The following PAPSS1 variants were observed in gnomAD, a reference collection of about 807,000 sequenced individuals.
The protein encoded by PAPSS1 is 3'-phosphoadenosine 5'-phosphosulfate synthase 1.
In PAPSS1, 50 loss-of-function variants were observed where a neutral mutation model predicts 72.0. The ratio of observed to expected loss-of-function variants is 0.69; its 90% CI spans 0.55 to 0.88. The LOEUF is 0.88. Ranked by LOEUF, PAPSS1 falls within the 40% of genes least tolerant of loss-of-function variation. The pLI, the probability that PAPSS1 is intolerant of heterozygous loss-of-function variation, is 0.00. For missense variants in PAPSS1, 657 were observed against 782.2 expected (o/e 0.84, Z 1.91); for synonymous variants, 261 against 263.6 (o/e 0.99, Z 0.09).
chr4:107,622,396 A>G (rs1725988281), intron 11 of PAPSS1, among the ~76,000 whole-genome samples: 1 of 152,222 alleles, frequency 6.6e-6, no homozygotes, highest in Non-Finnish European at 1.5e-5. Context: ...TACCAAAAAT[A>G]CCATAATAAC....
At chr4:107,703,414 CA>C (rs35894658) in intron 1 of PAPSS1, among the ~76,000 whole-genome samples, 41 of 144,576 alleles carry the variant, frequency 2.8e-4, no homozygotes, top group Middle Eastern at 3.5e-3. Flanking sequence ...GAGTCATATC[CA>C]AAAAAAAAAA....
intron 9 of PAPSS1, among the ~76,000 whole-genome samples, chr4:107,647,315 T>C (rs1232564209): frequency 6.6e-6 from 1 of 152,068 alleles, no homozygotes; most frequent in Non-Finnish European, 1.5e-5. Context: ...GAGGACAGAG[T>C]GAGGGAAGGA....
intron 1 of PAPSS1, among the ~76,000 whole-genome samples, chr4:107,708,369 T>A (rs1186905648): frequency 6.6e-6 from 1 of 152,176 alleles, no homozygotes; most frequent in Non-Finnish European, 1.5e-5. Context: ...AAAAGGGAGC[T>A]AAAGTCTCTG....
At chr4:107,666,606 A>G (rs894883962) in intron 5 of PAPSS1, among the ~76,000 whole-genome samples, 1 of 152,192 alleles carries the variant, frequency 6.6e-6, no homozygotes, top group African/African-American at 2.4e-5. Flanking sequence ...CCATCATCCT[A>G]TATTACCCGT....
chr4:107,652,734 T>C (rs1285206699), intron 9 of PAPSS1, among the ~76,000 whole-genome samples: 8 of 152,192 alleles, frequency 5.3e-5, no homozygotes, highest in Non-Finnish European at 8.8e-5. Flanking sequence ...CAGTATATAT[T>C]TGGTGATGTT....
intron 11 of PAPSS1, among the ~76,000 whole-genome samples, chr4:107,628,837 C>T (rs1315457226): frequency 1.3e-5 from 2 of 152,132 alleles, no homozygotes; most frequent in African/African-American, 2.4e-5. Context: ...GGAAACAGGG[C>T]AGAGAAGACA....
At chr4:107,635,246 G>GA (rs1560567312) in intron 10 of PAPSS1, among the ~76,000 whole-genome samples, 3 of 151,846 alleles carry the variant, frequency 2.0e-5, no homozygotes. Flanking sequence ...CCTACTGTTT[G>GA]AAAAAGACAA....
At chr4:107,685,062 T>C (rs1286190247) in intron 4 of PAPSS1, among the ~76,000 whole-genome samples, 2 of 152,178 alleles carry the variant, frequency 1.3e-5, no homozygotes, top group Non-Finnish European at 1.5e-5. Flanking sequence ...CCCGCCACCA[T>C]GCTGACTAAT....
At chr4:107,672,064 A>G (rs1040877682) in intron 5 of PAPSS1, among the ~76,000 whole-genome samples, 1 of 152,216 alleles carries the variant, frequency 6.6e-6, no homozygotes, top group African/African-American at 2.4e-5. Flanking sequence ...TATAGTTCCA[A>G]TAAAAATGAG....
chr4:107,662,467 A>C (rs1022265178), intron 5 of PAPSS1, among the ~76,000 whole-genome samples: 1 of 152,236 alleles, frequency 6.6e-6, no homozygotes, highest in African/African-American at 2.4e-5. Context: ...CTGTAGATGC[A>C]CTAATGGGGC....
At chr4:107,642,256 A>T (rs1271428723) in intron 10 of PAPSS1, among the ~76,000 whole-genome samples, 1 of 152,146 alleles carries the variant, frequency 6.6e-6, no homozygotes, top group Non-Finnish European at 1.5e-5. Context: ...ACATATTTTT[A>T]AAAATATTTT....
intron 1 of PAPSS1, among the ~76,000 whole-genome samples, chr4:107,702,832 C>A (rs1473658521): frequency 6.6e-6 from 1 of 152,146 alleles, no homozygotes; most frequent in Non-Finnish European, 1.5e-5. Context: ...ATGCCAATAT[C>A]TACTCTACAT....
intron 6 of PAPSS1, 43 bp from the exon 7 acceptor site, chr4:107,657,050 T>C: frequency 1.6e-6 from 2 of 1,233,692 alleles, no homozygotes; most frequent in African/African-American, 1.5e-5. Context: ...ATTGCATGTA[T>C]ATATGAGCAA....
chr4:107,648,222 A>G (rs1245945477), intron 9 of PAPSS1, among the ~76,000 whole-genome samples: 2 of 152,198 alleles, frequency 1.3e-5, no homozygotes, highest in African/African-American at 2.4e-5. Flanking sequence ...AAGTTAAGAA[A>G]GTTTTTCTGA....
chr4:107,652,701 G>A (rs1346790415), intron 9 of PAPSS1, among the ~76,000 whole-genome samples: 1 of 152,142 alleles, frequency 6.6e-6, no homozygotes, highest in Admixed American at 6.5e-5. Flanking sequence ...TGCGATAAAT[G>A]ACATTGATAT....
chr4:107,638,482 A>C (rs1316995974), intron 10 of PAPSS1, among the ~76,000 whole-genome samples: 2 of 152,174 alleles, frequency 1.3e-5, no homozygotes, highest in Non-Finnish European at 2.9e-5. Context: ...AACTAATTTT[A>C]TTCTTGGAAG....
chr4:107,640,397 T>C (rs1726505136), intron 10 of PAPSS1, among the ~76,000 whole-genome samples: 1 of 152,190 alleles, frequency 6.6e-6, no homozygotes, highest in South Asian at 2.1e-4. Flanking sequence ...TGAAAAGCAT[T>C]TGTGCTAAGG....
At chr4:107,676,768 T>C (rs1727663419) in intron 5 of PAPSS1, among the ~76,000 whole-genome samples, 1 of 152,144 alleles carries the variant, frequency 6.6e-6, no homozygotes, top group Non-Finnish European at 1.5e-5. Flanking sequence ...GGCATCACAC[T>C]ACCTGACTTC....
intron 10 of PAPSS1, among the ~76,000 whole-genome samples, chr4:107,638,762 A>G (rs955729): frequency 0.24 from 36,774 of 152,202 alleles, 5,061 homozygotes; most frequent in Middle Eastern, 0.34. Context: ...AAATTAAAAT[A>G]GGTAACACTT....
Sources: gnomAD v4.1 joint callset for allele counts (sites outside exome capture counted in the v4.1 genomes callset) on GRCh38, gnomAD v4.1.1 for gene constraint, MANE v1.5 for transcripts, NCBI Gene and HGNC (gene_info 2026-07-23, HGNC 2026-07-21) for gene names.